GRIA1: variants seen among roughly 807,000 people sequenced by gnomAD.
GRIA1 encodes glutamate receptor 1.
GRIA1 carries 31 observed loss-of-function variants against 99.2 expected under a neutral mutation model. The ratio of observed to expected loss-of-function variants is 0.31; its 90% CI spans 0.23 to 0.42. The LOEUF (loss-of-function observed/expected upper bound fraction) is 0.42, where lower values mean the gene tolerates loss of function less well. Among genes scored for constraint, GRIA1 ranks in the 10% least tolerant of loss-of-function variants. The pLI, the probability that GRIA1 is intolerant of heterozygous loss-of-function variation, is 1.00. For synonymous variants in GRIA1, 438 were observed against 432.4 expected, an observed-to-expected ratio of 1.01 and a Z score of -0.16; for missense variants, 782 against 1,157.5, an observed-to-expected ratio of 0.68 and a Z score of 4.71.
At chr5:153,569,922 C>T (rs1493392) in intron 2 of GRIA1, among the ~76,000 whole-genome samples, 43,833 of 152,034 alleles carry the variant, frequency 0.29, 6,877 homozygotes, top group East Asian at 0.68. Context: ...AATGTGTTAT[C>T]AGAGCTGCAA....
At chr5:153,673,248 A>C (rs970171339) in intron 5 of GRIA1, among the ~76,000 whole-genome samples, 2 of 152,152 alleles carry the variant, frequency 1.3e-5, no homozygotes, top group Non-Finnish European at 2.9e-5. Flanking sequence ...TCAGGTCCCT[A>C]AGCCAAGACC....
intron 2 of GRIA1, among the ~76,000 whole-genome samples, chr5:153,625,397 A>G (rs907192639): frequency 6.6e-6 from 1 of 152,200 alleles, no homozygotes; most frequent in Non-Finnish European, 1.5e-5. Flanking sequence ...TCAAGGACTT[A>G]GTGGAAACTA....
intron 2 of GRIA1, among the ~76,000 whole-genome samples, chr5:153,516,643 C>T (rs1419388023): frequency 6.6e-6 from 1 of 152,112 alleles, no homozygotes; most frequent in East Asian, 1.9e-4. Flanking sequence ...CCTCTGGAAT[C>T]ATGTGAGCTG....
chr5:153,631,705 G>T (rs1248994048), intron 2 of GRIA1, among the ~76,000 whole-genome samples: 7 of 152,046 alleles, frequency 4.6e-5, no homozygotes, highest in Admixed American at 4.6e-4. Context: ...AGTTTTTTTG[G>T]TATATTTTTT....
intron 2 of GRIA1, among the ~76,000 whole-genome samples, chr5:153,504,448 T>C (rs1438913819): frequency 6.6e-6 from 1 of 152,026 alleles, no homozygotes; most frequent in African/African-American, 2.4e-5. Flanking sequence ...TATATATATA[T>C]TCTATCTATA....
intron 2 of GRIA1, among the ~76,000 whole-genome samples, chr5:153,645,489 AG>A (rs2149451554): frequency 6.6e-6 from 1 of 152,344 alleles, no homozygotes; most frequent in East Asian, 1.9e-4. Context: ...CACCAAAAAA[AG>A]GTCTTGGAGG....
At chr5:153,750,638 T>A (rs1466629558) in intron 11 of GRIA1, among the ~76,000 whole-genome samples, 1 of 152,168 alleles carries the variant, frequency 6.6e-6, no homozygotes, top group East Asian at 1.9e-4. Context: ...CTGCTCCCCC[T>A]GCCCCTATAC....
chr5:153,565,067 G>A (rs572099923), intron 2 of GRIA1, among the ~76,000 whole-genome samples: 26 of 152,218 alleles, frequency 1.7e-4, no homozygotes, highest in Non-Finnish European at 7.4e-5. Context: ...AGAACTTAGA[G>A]GATATGGAAA....
intron 7 of GRIA1, among the ~76,000 whole-genome samples, chr5:153,679,700 G>A (rs1756839303): frequency 6.6e-6 from 1 of 152,176 alleles, no homozygotes; most frequent in Admixed American, 6.5e-5. Flanking sequence ...AATCCTGATG[G>A]TATCCAGTCT....
chr5:153,691,670 A>G (rs1047264349), intron 8 of GRIA1, among the ~76,000 whole-genome samples: 3 of 152,204 alleles, frequency 2.0e-5, no homozygotes, highest in African/African-American at 4.8e-5. Flanking sequence ...AATTTTGACC[A>G]TACTGAATCA....
chr5:153,674,156 C>A (rs1300532243), intron 5 of GRIA1, among the ~76,000 whole-genome samples: 1 of 152,228 alleles, frequency 6.6e-6, no homozygotes, highest in Non-Finnish European at 1.5e-5. Context: ...TGGTCTGCCC[C>A]ATGCACTTGA....
In GRIA1 at chr5:153,720,119, C is replaced by A. The variant is rs1458537474; in HGVS notation, c.1823+14052C>A. On this transcript the variant is annotated intron_variant, in intron 11 of 15. Transcript: ENST00000285900. ...TGGGGTCTTAAAATACATATAGTTT[C>A]TTATCTCATCATCTCATATTATACT... Among the ~76,000 whole-genome samples, 4 of 152,182 alleles carry A rather than the reference C, an allele frequency of 2.6e-5. No homozygotes were observed. The East Asian group carries it at 7.7e-4, about 29-fold the overall frequency.
intron 15 of GRIA1, 48 bp downstream of exon 15, chr5:153,802,538 G>T (rs759774411): frequency 2.5e-6 from 4 of 1,603,870 alleles, no homozygotes; most frequent in Non-Finnish European, 3.4e-6. Context: ...CTGTGATGCA[G>T]CTGGGTTTCC....
intron 2 of GRIA1, among the ~76,000 whole-genome samples, chr5:153,585,116 A>G (rs970226691): frequency 6.6e-6 from 1 of 152,102 alleles, no homozygotes; most frequent in Non-Finnish European, 1.5e-5. Context: ...GGTGCTGGGT[A>G]CACACTAAGT....
intron 11 of GRIA1, among the ~76,000 whole-genome samples, chr5:153,734,431 C>G (rs931458622): frequency 3.3e-5 from 5 of 152,162 alleles, no homozygotes; most frequent in African/African-American, 4.8e-5. Context: ...CTATCTACTA[C>G]AAGAGTCTCA....
At chr5:153,583,019 A>C (rs1677179286) in intron 2 of GRIA1, among the ~76,000 whole-genome samples, 1 of 151,950 alleles carries the variant, frequency 6.6e-6, no homozygotes, top group South Asian at 2.1e-4. Context: ...CCTCATCTCA[A>C]ACTCCTGACC....
intron 5 of GRIA1, among the ~76,000 whole-genome samples, chr5:153,658,069 C>T (rs564521384): frequency 6.6e-6 from 1 of 152,198 alleles, no homozygotes; most frequent in East Asian, 1.9e-4. Flanking sequence ...TGTGACTTGG[C>T]CAAGGTCACA....
intron 8 of GRIA1, 64 bp downstream of exon 8, chr5:153,686,393 C>A: frequency 2.5e-6 from 3 of 1,197,832 alleles, no homozygotes; most frequent in Non-Finnish European, 3.7e-6. Context: ...CTGGCCAGAG[C>A]TGAGGGCCTG....
chr5:153,556,748 T>G (rs181655117), intron 2 of GRIA1, among the ~76,000 whole-genome samples: 1 of 152,360 alleles, frequency 6.6e-6, no homozygotes, highest in East Asian at 1.9e-4. Flanking sequence ...GATTGGTCTA[T>G]GTACTCTCTG....
Sources: gnomAD v4.1 joint callset for allele counts (sites outside exome capture counted in the v4.1 genomes callset) on GRCh38, gnomAD v4.1.1 for gene constraint, MANE v1.5 for transcripts, NCBI Gene and HGNC (gene_info 2026-07-23, HGNC 2026-07-21) for gene names.